Variants in CNTNAP4 observed in about 807,000 individuals in gnomAD.
The protein encoded by CNTNAP4 is contactin-associated protein-like 4.
Under a neutral mutation model 148.4 loss-of-function variants are expected in CNTNAP4, and 98 were observed. The observed-to-expected ratio is 0.66, with a 90% CI of 0.56 to 0.78. CNTNAP4 has a LOEUF of 0.78. CNTNAP4 is among the 30% of genes least tolerant of loss of function. CNTNAP4 has a pLI of 0.00. For synonymous variants in CNTNAP4, 730 were observed against 565.1 expected (o/e 1.29, Z -4.14); for missense variants, 1,935 against 1,565.6 (o/e 1.24, Z -3.98).
At chr16:76,340,118 C>G (rs999141654) in intron 2 of CNTNAP4, among the ~76,000 whole-genome samples, 1 of 152,054 alleles carries the variant, frequency 6.6e-6, no homozygotes, top group Non-Finnish European at 1.5e-5. Context: ...AAGAGGATGC[C>G]TTTTGCTACC....
chr16:76,371,373 C>T (rs532692143), intron 3 of CNTNAP4, among the ~76,000 whole-genome samples: 8 of 152,254 alleles, frequency 5.3e-5, no homozygotes, highest in Admixed American at 5.2e-4. Context: ...GCAACCTCCA[C>T]CTCCCGGATT....
chr16:76,396,386 A>C (rs976741295), intron 3 of CNTNAP4, among the ~76,000 whole-genome samples: 3 of 152,196 alleles, frequency 2.0e-5, no homozygotes, highest in African/African-American at 7.2e-5. Context: ...GATGCACCCT[A>C]TGTGAGTATC....
At chr16:76,354,782 T>C (rs1192043378) in intron 2 of CNTNAP4, among the ~76,000 whole-genome samples, 4 of 152,214 alleles carry the variant, frequency 2.6e-5, no homozygotes, top group Admixed American at 6.5e-5. Flanking sequence ...TCAACATCTG[T>C]CCCTCCCAAA....
chr16:76,342,097 G>A (rs559667765), intron 2 of CNTNAP4, among the ~76,000 whole-genome samples: 1 of 152,154 alleles, frequency 6.6e-6, no homozygotes, highest in East Asian at 1.9e-4. Context: ...TGTTTTGAAA[G>A]CATCATCCCT....
intron 1 of CNTNAP4, among the ~76,000 whole-genome samples, chr16:76,286,091 C>T (rs879403889): frequency 1.3e-5 from 2 of 151,586 alleles, no homozygotes; most frequent in Non-Finnish European, 2.9e-5. Context: ...ATCTGCTGGT[C>T]AGCTGACGAC....
At chr16:76,462,864 G>T (rs780137161) in intron 9 of CNTNAP4, among the ~76,000 whole-genome samples, 1 of 152,076 alleles carries the variant, frequency 6.6e-6, no homozygotes, top group East Asian at 1.9e-4. Context: ...TTTTGTCATC[G>T]TTATGTTACA....
At chr16:76,412,670 C>CT (rs1555547885) in intron 3 of CNTNAP4, among the ~76,000 whole-genome samples, 1 of 150,996 alleles carries the variant, frequency 6.6e-6, no homozygotes, top group Admixed American at 6.6e-5. Flanking sequence ...CATTTAAATA[C>CT]TTTTTTCTCT....
chr16:76,483,231 AACACACACACACACACAC>A (rs59206208), intron 12 of CNTNAP4, among the ~76,000 whole-genome samples: 35 of 140,014 alleles, frequency 2.5e-4, no homozygotes, highest in South Asian at 7.3e-4. Flanking sequence ...AGTTTTAAGA[AACACACACACACACACAC>A]ACACACACAC....
intron 3 of CNTNAP4, among the ~76,000 whole-genome samples, chr16:76,403,413 G>A (rs1386352274): frequency 6.6e-6 from 1 of 152,128 alleles, no homozygotes; most frequent in Non-Finnish European, 1.5e-5. Context: ...TTCTAAAGAA[G>A]TCGTATATAT....
chr16:76,496,502 C>G (rs907917430), intron 14 of CNTNAP4, among the ~76,000 whole-genome samples: 9 of 152,042 alleles, frequency 5.9e-5, no homozygotes, highest in African/African-American at 1.7e-4. Context: ...GTTAGAAAAA[C>G]AACTACTTGA....
chr16:76,541,828 T>C (rs1415124853), intron 21 of CNTNAP4, among the ~76,000 whole-genome samples: 2 of 152,178 alleles, frequency 1.3e-5, no homozygotes, highest in Non-Finnish European at 2.9e-5. Flanking sequence ...ATACCATGAA[T>C]TGCAATGTTC....
intron 4 of CNTNAP4, among the ~76,000 whole-genome samples, chr16:76,436,987 G>GTCTA (rs59086267): frequency 6.6e-6 from 1 of 151,192 alleles, no homozygotes; most frequent in Non-Finnish European, 1.5e-5. Flanking sequence ...CTATCTATCT[G>GTCTA]TCTATCTAGG....
At position 76,559,422 on chromosome 16, in the gene CNTNAP4, A is replaced by G. The variant is rs1330802546; in HGVS notation, c.*739A>G. Among the ~76,000 whole-genome samples the G allele has an allele frequency of 3.3e-5, 5 of 152,150 alleles. No homozygotes were observed. Among genetic ancestry groups the G allele is most frequent in the Non-Finnish European group, 7.4e-5 (5 of 68,010 alleles). On this transcript the variant is annotated 3_prime_UTR_variant, in exon 24 of 24. Coordinates refer to ENST00000611870, the MANE Select transcript of CNTNAP4 (RefSeq NM_033401.5). ...CTTTCCTTTTAAAAAAAGTTTTCCA[A>G]TTAATTTGCTACCATTGTTTGATGG... is the stretch of plus-strand genomic sequence containing the variant.
intron 2 of CNTNAP4, among the ~76,000 whole-genome samples, chr16:76,339,750 A>G (rs1039935337): frequency 6.6e-6 from 1 of 152,232 alleles, no homozygotes; most frequent in Non-Finnish European, 1.5e-5. Flanking sequence ...ATAACAGCTC[A>G]ACTAATGAGA....
intron 12 of CNTNAP4, among the ~76,000 whole-genome samples, chr16:76,485,005 C>T (rs138669236): frequency 1.2e-4 from 18 of 152,234 alleles, no homozygotes; most frequent in Non-Finnish European, 2.1e-4. Flanking sequence ...ATTTCTTAAA[C>T]GATGTTAAAA....
chr16:76,453,021 C>G (rs947890154), intron 8 of CNTNAP4, among the ~76,000 whole-genome samples: 2 of 152,122 alleles, frequency 1.3e-5, no homozygotes, highest in African/African-American at 4.8e-5. Context: ...ACGACCCTGT[C>G]TCCCACTCCA....
chr16:76,440,892 A>C (rs1345406489), intron 4 of CNTNAP4, among the ~76,000 whole-genome samples: 1 of 152,148 alleles, frequency 6.6e-6, no homozygotes, highest in African/African-American at 2.4e-5. Flanking sequence ...AAATTTGAGA[A>C]GCCTCAAACT....
intron 2 of CNTNAP4, among the ~76,000 whole-genome samples, chr16:76,335,520 A>T (rs1357895753): frequency 1.3e-5 from 2 of 152,136 alleles, no homozygotes; most frequent in African/African-American, 4.8e-5. Context: ...GAAAGGAAGG[A>T]TGAGGGTAAG....
intron 2 of CNTNAP4, among the ~76,000 whole-genome samples, chr16:76,319,584 T>G (rs1962190593): frequency 6.6e-6 from 1 of 151,962 alleles, no homozygotes. Flanking sequence ...ATCATCAAGT[T>G]AAGATGAGGC....
Sources: allele counts gnomAD v4.1 joint callset (sites outside exome capture counted in the v4.1 genomes callset), GRCh38; gene constraint gnomAD v4.1.1; transcripts MANE v1.5; gene names NCBI Gene and HGNC (gene_info 2026-07-23, HGNC 2026-07-21).